Variants in NMU observed in about 807,000 individuals in gnomAD.
The protein encoded by NMU is neuromedin U.
Under a neutral mutation model 35.4 loss-of-function variants are expected in NMU, and 29 were observed. The observed-to-expected ratio is 0.82, with a 90% CI of 0.61 to 1.12. NMU has a LOEUF of 1.12. Ranked by LOEUF, NMU falls within the 50% of genes most tolerant of loss-of-function variation. NMU has a pLI of 0.00. For missense variants in NMU, 199 were observed against 206.2 expected (o/e 0.97, Z 0.21); for synonymous variants, 78 against 81.3 (o/e 0.96, Z 0.22).
At chr4:55,604,686 T>A (rs1440844213) in intron 7 of NMU, among the ~76,000 whole-genome samples, 2 of 121,676 alleles carry the variant, frequency 1.6e-5, no homozygotes, top group African/African-American at 6.5e-5. Flanking sequence ...CTAATTTTTT[T>A]TTTTTTTTTT....
upstream of NMU, chr4:55,636,461 C>T: frequency 4.6e-6 from 2 of 430,158 alleles, no homozygotes; most frequent in Non-Finnish European, 8.0e-6. The surrounding 1 kb of genome is among the most constrained non-coding windows in gnomAD (Gnocchi z 4.0). Context: ...CCCGAGCCCC[C>T]TAGCCTGAGT....
At chr4:55,626,566 C>A (rs1734539137) in intron 2 of NMU, among the ~76,000 whole-genome samples, 1 of 151,998 alleles carries the variant, frequency 6.6e-6, no homozygotes, top group Non-Finnish European at 1.5e-5. Flanking sequence ...AATTAGCCGG[C>A]CGTGGTGGCA....
rs185040866 is a variant in NMU at position 55,602,279 on chromosome 4, A to G, written c.436-1704T>C. 7.5e-4 allele frequency among the ~76,000 whole-genome samples: 114 copies of G among 152,366 alleles called. No homozygotes were observed. In the East Asian group the frequency reaches 0.018, roughly 24 times the overall value. The stretch of plus-strand genomic sequence containing the variant: ...AAATCTAAAACCTCATTTCTTCAAG[A>G]ATTCAAAATATTTCACTATCAAAGA... On this transcript the variant is annotated intron_variant, in intron 7 of 9. Transcript: ENST00000264218.
intron 9 of NMU, among the ~76,000 whole-genome samples, chr4:55,597,536 T>A (rs565498680): frequency 6.6e-6 from 1 of 152,112 alleles, no homozygotes; most frequent in East Asian, 1.9e-4. Context: ...ACCAGGCTAA[T>A]TTTGTATTTT....
intron 1 of NMU, among the ~76,000 whole-genome samples, chr4:55,633,877 C>T (rs1715751567): frequency 6.6e-6 from 1 of 152,222 alleles, no homozygotes; most frequent in Non-Finnish European, 1.5e-5. Flanking sequence ...CAGGCAAAAT[C>T]AAGTAACAGT....
intron 3 of NMU, among the ~76,000 whole-genome samples, chr4:55,615,782 C>A (rs1734090484): frequency 1.3e-5 from 2 of 152,154 alleles, no homozygotes; most frequent in African/African-American, 4.8e-5. Context: ...TCTCCCTCCT[C>A]CCACCTCCAC....
chr4:55,604,955 G>A (rs1733619879), intron 7 of NMU, among the ~76,000 whole-genome samples: 2 of 152,038 alleles, frequency 1.3e-5, no homozygotes, highest in African/African-American at 4.8e-5. Context: ...CTAAGGACTG[G>A]ACAAAAGCAG....
In NMU at chr4:55,607,447, TTA is replaced by T. The variant is rs1367931096; in HGVS notation, c.297_298del (p.Asp99GlufsTer3). On this transcript the variant is annotated frameshift_variant, in exon 5 of 10. Coordinates refer to ENST00000264218, the MANE Select transcript of NMU (RefSeq NM_006681.4). LOFTEE classifies it high-confidence loss of function. ...TGAAAATCATCTTACCCTTTTAGTA[TTA>T]TCTTTTTCATCTTGTTCCTATTGAA... 1 of 1,028,718 alleles carries T rather than the reference TTA, an allele frequency of 9.7e-7. No homozygotes were observed. Among genetic ancestry groups the T allele is most frequent in the South Asian group, 1.4e-5 (1 of 72,626 alleles). The allele number at this position is 1,028,718 out of a possible 1,614,324, so 63.7% of individuals were successfully genotyped here. A position where few individuals can be genotyped will look rare whatever the true frequency, so the allele number is the denominator to read the frequency against.
At chr4:55,611,677 C>T (rs1294179310) in intron 3 of NMU, among the ~76,000 whole-genome samples, 2 of 152,128 alleles carry the variant, frequency 1.3e-5, no homozygotes, top group Non-Finnish European at 2.9e-5. Flanking sequence ...TGTTTAATTA[C>T]ATAGTGTGTT....
At chr4:55,630,499 A>G in intron 1 of NMU, 39 bp from the exon 2 acceptor site, 1 of 1,489,032 alleles carries the variant, frequency 6.7e-7, no homozygotes, top group Non-Finnish European at 9.4e-7. Context: ...ATTTTATAGC[A>G]TTTCTTCTAA....
intron 8 of NMU, 36 bp downstream of exon 8, chr4:55,600,486 G>T (rs62310886): frequency 9.6e-6 from 13 of 1,348,208 alleles, no homozygotes; most frequent in African/African-American, 1.4e-5. Context: ...AAATTTTGGT[G>T]TAGATTGATT....
intron 8 of NMU, 127 bp from the exon 9 acceptor site, chr4:55,599,308 C>T (rs528811761): frequency 5.9e-5 from 44 of 747,450 alleles, no homozygotes; most frequent in Non-Finnish European, 1.0e-4. Flanking sequence ...CTTTTTACAA[C>T]ATAGACTGCT....
Position 55,629,301 on chromosome 4 carries a change from A to G in NMU, c.171+1101T>C, listed in dbSNP as rs1267403484. 3.3e-5 allele frequency among the ~76,000 whole-genome samples: 5 copies of G among 151,718 alleles called. No homozygotes were observed. The South Asian group carries it at 1.0e-3, about 32-fold the overall frequency. ...TTTTTTCCTGAAATGGGGTTTCACTATGTTGTCCAGACTGGTCTTAAATTC... is the reference window on the plus strand; with the variant it reads ...TTTTTTCCTGAAATGGGGTTTCACTGTGTTGTCCAGACTGGTCTTAAATTC... On this transcript the variant is annotated intron_variant, in intron 2 of 9. Coordinates refer to ENST00000264218, the MANE Select transcript of NMU (RefSeq NM_006681.4).
At chr4:55,628,403 C>T (rs1038763209) in intron 2 of NMU, among the ~76,000 whole-genome samples, 5 of 152,134 alleles carry the variant, frequency 3.3e-5, no homozygotes, top group South Asian at 2.1e-4. Context: ...GTACTACCAG[C>T]GCTTAACTTA....
At chr4:55,636,449 G>T, upstream of NMU, 1 of 446,454 alleles carries the variant, frequency 2.2e-6, no homozygotes, top group South Asian at 4.9e-5. The surrounding 1 kb of genome is among the most constrained non-coding windows in gnomAD (Gnocchi z 4.0). Context: ...CCTGCAGCAG[G>T]ACCCGAGCCC....
rs563597986 is a variant in NMU at position 55,600,769 on chromosome 4, A to G, written c.436-194T>C. Reference sequence around the variant, plus strand: ...CAACTAGCAGTATCATCAGAATCTTATATTTAAAAATAATTTCCTTGTCAG... The same window carrying G: ...CAACTAGCAGTATCATCAGAATCTTGTATTTAAAAATAATTTCCTTGTCAG... On this transcript the variant is annotated intron_variant, in intron 7 of 9. Coordinates refer to ENST00000264218, the MANE Select transcript of NMU (RefSeq NM_006681.4). Among the ~76,000 whole-genome samples the G allele has an allele frequency of 2.0e-5, 3 of 152,276 alleles. No homozygotes were observed. In the East Asian group the frequency reaches 5.8e-4, roughly 29 times the overall value.
At chr4:55,633,001 T>TA (rs60475340) in intron 1 of NMU, among the ~76,000 whole-genome samples, 4 of 146,906 alleles carry the variant, frequency 2.7e-5, no homozygotes, top group Admixed American at 6.7e-5. Flanking sequence ...GAAACAAAAT[T>TA]AAAAAAAAAT....
At position 55,598,525 on chromosome 4, in the gene NMU, A is replaced by G. The variant is rs75265715; in HGVS notation, c.*4+617T>C. ...AACTTTTATTGTCTAATAAAATATTAGGATTAACATATTTATTAAACATGT... is the reference window on the plus strand; with the variant it reads ...AACTTTTATTGTCTAATAAAATATTGGGATTAACATATTTATTAAACATGT... On this transcript the variant is annotated intron_variant, in intron 9 of 9. Transcript: ENST00000264218. Among the ~76,000 whole-genome samples, 970 of 152,372 alleles carry G rather than the reference A, an allele frequency of 6.4e-3. 11 individuals are homozygous for G. The highest frequency in any genetic ancestry group is 9.0e-3 in the Non-Finnish European group (614 of 68,030).
chr4:55,616,330 G>A lies in NMU; in HGVS notation c.219+8C>T. 1 of 1,604,430 alleles carries A rather than the reference G, an allele frequency of 6.2e-7. No individual in the cohort carries two copies. Among genetic ancestry groups the A allele is most frequent in the East Asian group, 2.2e-5 (1 of 44,806 alleles). On this transcript the variant is annotated splice_region_variant and intron_variant, in intron 3 of 9. Transcript: ENST00000264218. Reference sequence around the variant, plus strand: ...ACATTATTACAAAATATCTTCAATTGGAATTACCTGAGGCTGAGAATCAAT... The same window carrying A: ...ACATTATTACAAAATATCTTCAATTAGAATTACCTGAGGCTGAGAATCAAT...
Sources: allele counts gnomAD v4.1 joint callset (sites outside exome capture counted in the v4.1 genomes callset), GRCh38; gene constraint gnomAD v4.1.1; non-coding constraint Gnocchi (gnomAD v3.1); transcripts MANE v1.5; gene names NCBI Gene and HGNC (gene_info 2026-07-23, HGNC 2026-07-21).